Variants in NSUN3 observed in about 807,000 individuals in gnomAD.
NSUN3 encodes the protein NOP2/Sun RNA methyltransferase 3.
A neutral mutation model predicts 36.8 loss-of-function variants in NSUN3; 24 were observed. The observed-to-expected ratio is 0.65, with a 90% confidence interval of 0.47 to 0.92. NSUN3 has a LOEUF of 0.92. Among genes scored for constraint, NSUN3 ranks in the 40% least tolerant of loss-of-function variants. The pLI, the probability that NSUN3 is intolerant of heterozygous loss-of-function variation, is 0.00. For missense variants in NSUN3, 381 were observed against 392.8 expected, an observed-to-expected ratio of 0.97 and a Z score of 0.25; for synonymous variants, 146 against 145.2, an observed-to-expected ratio of 1.01 and a Z score of -0.04.
At chr3:94,098,609 C>G (rs747699272) in intron 5 of NSUN3, among the ~76,000 whole-genome samples, 7 of 152,130 alleles carry the variant, frequency 4.6e-5, no homozygotes, top group Non-Finnish European at 8.8e-5. Context: ...TGACCTGGCC[C>G]CTTCTTACTT....
intron 2 of NSUN3, chr3:94,075,978 GC>G (rs758939740): frequency 8.7e-5 from 138 of 1,586,048 alleles, no homozygotes; most frequent in Non-Finnish European, 1.1e-4. Flanking sequence ...TCTGCCATTT[GC>G]CACACTTGCA....
chr3:94,109,475 T>C (rs753869941), intron 5 of NSUN3, among the ~76,000 whole-genome samples: 1 of 152,244 alleles, frequency 6.6e-6, no homozygotes, highest in African/African-American at 2.4e-5. Flanking sequence ...TTAAGTAGTC[T>C]GTTTTATTGC....
intron 2 of NSUN3, among the ~76,000 whole-genome samples, chr3:94,077,652 C>G (rs2077252077): frequency 6.6e-6 from 1 of 152,166 alleles, no homozygotes; most frequent in African/African-American, 2.4e-5. Context: ...CGACTTCTTC[C>G]TGGTTTAGAC....
chr3:94,084,519 A>C, intron 3 of NSUN3, 69 bp downstream of exon 3: 1 of 1,192,362 alleles, frequency 8.4e-7, no homozygotes. Flanking sequence ...TTCTGAAAGT[A>C]TATATGGGGA....
At position 94,129,308 on chromosome 3, in the gene NSUN3, A is replaced by G. The variant is rs2077500204; in HGVS notation, c.*2818A>G. ...GAAATGTGGTACATATACCTCGTGT[A>G]ATATTACACAGTGATAAAAAAGAAT... On this transcript the variant is annotated 3_prime_UTR_variant, in exon 6 of 6. Transcript: ENST00000314622. Among the ~76,000 whole-genome samples the G allele has an allele frequency of 6.6e-6, 1 of 152,242 alleles. No homozygotes were observed. The highest frequency in any genetic ancestry group is 1.5e-5 in the Non-Finnish European group (1 of 68,042).
chr3:94,118,082 C>A (rs1193002831), intron 5 of NSUN3, among the ~76,000 whole-genome samples: 1 of 152,006 alleles, frequency 6.6e-6, no homozygotes. Flanking sequence ...TTCAAAGTAG[C>A]TAGAAGAGAA....
At chr3:94,093,547 C>G (rs1414881794) in intron 3 of NSUN3, among the ~76,000 whole-genome samples, 1 of 151,310 alleles carries the variant, frequency 6.6e-6, no homozygotes, top group African/African-American at 2.4e-5. Flanking sequence ...ATAAATAACC[C>G]CTAGAGACCT....
chr3:94,072,767 T>C (rs1373967259), intron 2 of NSUN3, among the ~76,000 whole-genome samples: 1 of 152,166 alleles, frequency 6.6e-6, no homozygotes, highest in Non-Finnish European at 1.5e-5. Flanking sequence ...GAGTAATTTC[T>C]GAAGAGTTCT....
In NSUN3 at chr3:94,130,165, A is replaced by C. The variant is rs1181875854; in HGVS notation, c.*3675A>C. The stretch of plus-strand genomic sequence containing the variant: ...TCTGTTTATAGTTTGCCAAGGCTAC[A>C]CTGGTAAGTAAAGGGTTCAGCCAAT... On this transcript the variant is annotated 3_prime_UTR_variant, in exon 6 of 6. Transcript: ENST00000314622. Among the ~76,000 whole-genome samples the C allele has an allele frequency of 6.6e-6, 1 of 152,188 alleles. No homozygotes were observed. Among genetic ancestry groups the C allele is most frequent in the Non-Finnish European group, 1.5e-5 (1 of 68,032 alleles).
chr3:94,076,462 A>G (rs1380938267), intron 2 of NSUN3: 1 of 787,724 alleles, frequency 1.3e-6, no homozygotes, highest in Non-Finnish European at 2.3e-6. Context: ...ACAGAGACTT[A>G]TGGAACAGAT....
intron 5 of NSUN3, among the ~76,000 whole-genome samples, chr3:94,120,216 A>C (rs779942711): frequency 4.6e-5 from 7 of 152,226 alleles, no homozygotes; most frequent in Admixed American, 6.5e-5. Flanking sequence ...AATATTGCCT[A>C]TATCCACAAT....
intron 5 of NSUN3, among the ~76,000 whole-genome samples, chr3:94,119,394 G>A (rs768486350): frequency 9.9e-5 from 15 of 152,156 alleles, no homozygotes; most frequent in Non-Finnish European, 2.2e-4. Flanking sequence ...GCCACAACAT[G>A]GTCTGGTTCA....
At chr3:94,108,636 G>C (rs1186657260) in intron 5 of NSUN3, among the ~76,000 whole-genome samples, 2 of 151,910 alleles carry the variant, frequency 1.3e-5, no homozygotes, top group Non-Finnish European at 2.9e-5. Flanking sequence ...TGGGATTACA[G>C]GTGTGAGCCA....
Position 94,128,647 on chromosome 3 carries a change from G to A in NSUN3, c.*2157G>A, listed in dbSNP as rs940108916. On this transcript the variant is annotated 3_prime_UTR_variant, in exon 6 of 6. Coordinates refer to ENST00000314622, the MANE Select transcript of NSUN3 (RefSeq NM_022072.5). The stretch of plus-strand genomic sequence containing the variant: ...GCCCCAAAAGCAGAAATTGACAAGC[G>A]GGACCTAATTAAACTGAAGAGCTTC... 7 of 150,872 alleles carry A rather than the reference G, an allele frequency of 4.6e-5. No individual in the cohort carries two copies. Among genetic ancestry groups the A allele is most frequent in the Non-Finnish European group, 7.4e-5 (5 of 67,810 alleles). 9.3% of individuals were successfully genotyped at this position (150,872 alleles called of 1,614,324 possible). A position where few individuals can be genotyped will look rare whatever the true frequency, so the allele number is the denominator to read the frequency against.
intron 5 of NSUN3, among the ~76,000 whole-genome samples, chr3:94,125,670 A>G (rs1448416194): frequency 3.3e-5 from 5 of 152,222 alleles, no homozygotes; most frequent in Non-Finnish European, 1.5e-5. Context: ...TACTTTTTGA[A>G]TAGCAATCAA....
Position 94,126,517 on chromosome 3 carries a change from GTTA to G in NSUN3, c.*32_*34del. ...ATGAATTTGTAAACTGTGTTTATGT[GTTA>G]TTATATTTATATTTCTGAACTCAGT... On this transcript the variant is annotated 3_prime_UTR_variant, in exon 6 of 6. Coordinates refer to ENST00000314622, the MANE Select transcript of NSUN3 (RefSeq NM_022072.5). 6.4e-7 allele frequency: 1 copy of G among 1,574,036 alleles called. No homozygotes were observed. Among genetic ancestry groups the G allele is most frequent in the South Asian group, 1.1e-5 (1 of 87,126 alleles).
intron 2 of NSUN3, among the ~76,000 whole-genome samples, chr3:94,066,128 T>G (rs1039217456): frequency 6.7e-6 from 1 of 149,898 alleles, no homozygotes; most frequent in African/African-American, 2.4e-5. Flanking sequence ...ACTCATATCC[T>G]ATAATGACTT....
intron 5 of NSUN3, among the ~76,000 whole-genome samples, chr3:94,117,417 G>C (rs992978780): frequency 1.3e-5 from 2 of 152,104 alleles, no homozygotes; most frequent in Non-Finnish European, 2.9e-5. Flanking sequence ...AAAATCTATT[G>C]AGGATTTTCT....
At chr3:94,066,659 G>T (rs1353106350) in intron 2 of NSUN3, among the ~76,000 whole-genome samples, 1 of 152,100 alleles carries the variant, frequency 6.6e-6, no homozygotes, top group Non-Finnish European at 1.5e-5. Context: ...CCTCAGGTAA[G>T]CCCATTCATG....
Sources: gnomAD v4.1 joint callset for allele counts (sites outside exome capture counted in the v4.1 genomes callset) on GRCh38, gnomAD v4.1.1 for gene constraint, MANE v1.5 for transcripts, NCBI Gene and HGNC (gene_info 2026-07-23, HGNC 2026-07-21) for gene names.